Variants in UBE2E3 observed in about 807,000 individuals in gnomAD.
The protein encoded by UBE2E3 is ubiquitin-conjugating enzyme E2 E3.
UBE2E3 carries 5 observed loss-of-function variants against 23.6 expected under a neutral mutation model. That is an observed-to-expected ratio of 0.21 (90% confidence interval 0.11 to 0.44). UBE2E3 has a LOEUF of 0.44. Among genes scored for constraint, UBE2E3 ranks in the 20% least tolerant of loss-of-function variants. The pLI is 0.99. For missense variants in UBE2E3, 81 were observed against 249.8 expected (o/e 0.32, Z 4.55); for synonymous variants, 78 against 87.5 (o/e 0.89, Z 0.60).
intron 3 of UBE2E3, among the ~76,000 whole-genome samples, chr2:181,022,182 A>C (rs1418044611): frequency 6.6e-6 from 1 of 152,222 alleles, no homozygotes; most frequent in Admixed American, 6.5e-5. Flanking sequence ...TAGGAGTCAG[A>C]CTGCCATTTT....
chr2:181,062,169 A>G (rs915345344), intron 5 of UBE2E3, among the ~76,000 whole-genome samples: 5 of 150,936 alleles, frequency 3.3e-5, no homozygotes, highest in Non-Finnish European at 5.9e-5. Flanking sequence ...GTCAGGAAGG[A>G]AGATAGTTTT....
chr2:181,059,019 G>A (rs193034720), intron 4 of UBE2E3, among the ~76,000 whole-genome samples: 26 of 151,786 alleles, frequency 1.7e-4, no homozygotes, highest in Non-Finnish European at 3.7e-4. Context: ...GCTAATATAA[G>A]AATTTCACAC....
chr2:181,015,263 T>G (rs972692673), intron 3 of UBE2E3, among the ~76,000 whole-genome samples: 1 of 152,184 alleles, frequency 6.6e-6, no homozygotes, highest in Non-Finnish European at 1.5e-5. Context: ...CCCAATATTT[T>G]AAGCCTACAT....
intron 5 of UBE2E3, among the ~76,000 whole-genome samples, chr2:181,062,161 C>T (rs1427379738): frequency 6.6e-6 from 1 of 151,070 alleles, no homozygotes; most frequent in African/African-American, 2.4e-5. Context: ...CAGTTGGAGT[C>T]AGGAAGGAAG....
chr2:181,003,074 C>G (rs13420661), intron 3 of UBE2E3, among the ~76,000 whole-genome samples: 5,336 of 152,252 alleles, frequency 0.035, 110 homozygotes, highest in South Asian at 0.055. Context: ...GAGAGAGTCT[C>G]TCTGTTCCTT....
At chr2:181,016,969 A>T (rs1263197148) in intron 3 of UBE2E3, among the ~76,000 whole-genome samples, 1 of 152,196 alleles carries the variant, frequency 6.6e-6, no homozygotes, top group Non-Finnish European at 1.5e-5. Flanking sequence ...TAACTGTTCT[A>T]AGAATTGTGC....
chr2:180,997,822 AGTGG>A (rs1684872888), intron 3 of UBE2E3, among the ~76,000 whole-genome samples: 1 of 152,102 alleles, frequency 6.6e-6, no homozygotes, highest in African/African-American at 2.4e-5. Flanking sequence ...TCATCCTTCA[AGTGG>A]TAGTGATCTT....
Position 180,982,060 on chromosome 2 carries a change from A to G in UBE2E3, c.18A>G (p.Gln6=), listed in dbSNP as rs771436377. ...TCACCAAGATGTCCAGTGATAGGCA[A>G]AGGTCCGATGATGAGAGCCCCAGCA... is the stretch of plus-strand genomic sequence containing the variant. MSSDR[Q]RSDDESPSTS... Residue 6 remains glutamine, a synonymous_variant, in exon 2 of 6, where the codon CAA becomes CAG. Transcript: ENST00000410062. The G allele has an allele frequency of 4.4e-5, 70 of 1,604,568 alleles. No homozygotes were observed. Among genetic ancestry groups the G allele is most frequent in the Non-Finnish European group, 5.7e-5 (67 of 1,177,176 alleles).
chr2:181,029,193 A>G (rs898596871), intron 3 of UBE2E3, among the ~76,000 whole-genome samples: 1 of 152,048 alleles, frequency 6.6e-6, no homozygotes. Context: ...CTCTGCACAA[A>G]TAGTACATGA....
At chr2:180,984,004 A>G (rs190349081) in intron 2 of UBE2E3, 39 bp from the exon 3 acceptor site, 15 of 1,563,530 alleles carry the variant, frequency 9.6e-6, no homozygotes, top group East Asian at 4.5e-5. Flanking sequence ...TCTGTAGACT[A>G]TATCAAATCC....
At chr2:181,049,143 A>G (rs966253513) in intron 3 of UBE2E3, among the ~76,000 whole-genome samples, 1 of 152,234 alleles carries the variant, frequency 6.6e-6, no homozygotes, top group Non-Finnish European at 1.5e-5. Flanking sequence ...AGAGAAGTCA[A>G]GGATCTGCTG....
At chr2:181,026,765 A>C (rs1445752497) in intron 3 of UBE2E3, among the ~76,000 whole-genome samples, 1 of 151,864 alleles carries the variant, frequency 6.6e-6, no homozygotes, top group Non-Finnish European at 1.5e-5. Flanking sequence ...ATATGGTTAT[A>C]CTTATACTTA....
chr2:181,042,399 C>T (rs1022362368), intron 3 of UBE2E3, among the ~76,000 whole-genome samples: 9 of 152,162 alleles, frequency 5.9e-5, no homozygotes, highest in African/African-American at 2.2e-4. Flanking sequence ...AAAAGCCAAA[C>T]AGCAATCTGT....
intron 3 of UBE2E3, 88 bp from the exon 4 acceptor site, chr2:181,057,605 A>T (rs895692396): frequency 3.5e-6 from 4 of 1,138,214 alleles, no homozygotes; most frequent in Non-Finnish European, 3.8e-6. Context: ...CTAGATTGCT[A>T]ATTTACCTTT....
At position 180,980,851 on chromosome 2, in the gene UBE2E3, C is replaced by T. The variant is rs553508715; in HGVS notation, c.-148C>T. 6.7e-6 allele frequency: 1 copy of T among 149,332 alleles called. No individual in the cohort carries two copies. The highest frequency in any genetic ancestry group is 2.4e-5 in the African/African-American group (1 of 41,006). The allele number at this position is 149,332 out of a possible 1,614,324, so 9.3% of individuals were successfully genotyped here. On this transcript the variant is annotated 5_prime_UTR_variant, in exon 1 of 6. Transcript: ENST00000410062. The surrounding 1 kb of genome is among the most constrained non-coding windows in gnomAD (Gnocchi z 5.5). ...TCCCCGGCCAGAGCCTCCTCGGCTTCTTTTTTTCCCTCCCCCCCCTTCCCC... is the reference window on the plus strand; with the variant it reads ...TCCCCGGCCAGAGCCTCCTCGGCTTTTTTTTTTCCCTCCCCCCCCTTCCCC...
intron 3 of UBE2E3, among the ~76,000 whole-genome samples, chr2:181,051,369 A>G (rs1185181735): frequency 1.3e-5 from 2 of 151,674 alleles, no homozygotes; most frequent in South Asian, 2.1e-4. Flanking sequence ...GCTAGGTTGG[A>G]TATCTTCTCA....
intron 3 of UBE2E3, among the ~76,000 whole-genome samples, chr2:180,990,232 G>A (rs1441620172): frequency 6.6e-6 from 1 of 152,158 alleles, no homozygotes; most frequent in Non-Finnish European, 1.5e-5. Context: ...TTTCATAACT[G>A]AAGGAGAAGG....
At chr2:181,049,585 T>G (rs558632510) in intron 3 of UBE2E3, among the ~76,000 whole-genome samples, 1 of 152,070 alleles carries the variant, frequency 6.6e-6, no homozygotes, top group Non-Finnish European at 1.5e-5. Context: ...ACTGTCATAA[T>G]AGGCCTTAAG....
intron 3 of UBE2E3, among the ~76,000 whole-genome samples, chr2:181,008,136 T>C (rs1685206991): frequency 1.3e-5 from 2 of 152,222 alleles, no homozygotes; most frequent in Admixed American, 1.3e-4. Context: ...CATTATGGGA[T>C]CTCTGCGGTA....
Sources: allele counts gnomAD v4.1 joint callset (sites outside exome capture counted in the v4.1 genomes callset), GRCh38; gene constraint gnomAD v4.1.1; non-coding constraint Gnocchi (gnomAD v3.1); transcripts MANE v1.5; gene names NCBI Gene and HGNC (gene_info 2026-07-23, HGNC 2026-07-21).